ADAMTS20: variants seen among roughly 807,000 people sequenced by gnomAD.
ADAMTS20 encodes ADAM metallopeptidase with thrombospondin type 1 motif 20, also known as A disintegrin and metalloproteinase with thrombospondin motifs 20.
ADAMTS20 carries 225 observed loss-of-function variants against 260.1 expected under a neutral mutation model. The ratio of observed to expected loss-of-function variants is 0.87; its 90% confidence interval spans 0.78 to 0.97. ADAMTS20 has a LOEUF of 0.97. Ranked by LOEUF, ADAMTS20 falls within the 50% of genes least tolerant of loss-of-function variation. The pLI is 0.00. For synonymous variants in ADAMTS20, 802 were observed against 769.5 expected (o/e 1.04, Z -0.70); for missense variants, 2,400 against 2,337.7 (o/e 1.03, Z -0.55).
At chr12:43,368,257 A>T (rs1940030587) in intron 37 of ADAMTS20, among the ~76,000 whole-genome samples, 1 of 152,118 alleles carries the variant, frequency 6.6e-6, no homozygotes, top group African/African-American at 2.4e-5. Context: ...CGATTATATT[A>T]GGTTGTTTAT....
chr12:43,469,571 C>T (rs2137389017), intron 7 of ADAMTS20, among the ~76,000 whole-genome samples: 1 of 152,148 alleles, frequency 6.6e-6, no homozygotes, highest in South Asian at 2.1e-4. Context: ...TATTATTACC[C>T]TTCAATTTGG....
chr12:43,428,401 G>C lies in ADAMTS20; in HGVS notation c.3785C>G (p.Ala1262Gly), dbSNP rs778642285. Residue 1262 changes from alanine (A) to glycine (G), a missense_variant, in exon 26 of 39, where the codon GCC becomes GGC. Ala to Gly is a moderately conservative substitution (Grantham distance 60). Coordinates refer to ENST00000389420, the MANE Select transcript of ADAMTS20 (RefSeq NM_025003.5). ...PLMEQECSLA[A>G]CPPAHSHFPS... The stretch of plus-strand genomic sequence containing the variant: ...AAAGTGGCTGTGTGCAGGAGGGCAG[G>C]CTGCCAGGCTACATTCCTGTTCCAT... 3 of 1,613,732 alleles carry C rather than the reference G, an allele frequency of 1.9e-6. No homozygotes were observed. The highest frequency in any genetic ancestry group is 1.6e-4 in the Middle Eastern group (1 of 6,084).
intron 28 of ADAMTS20, among the ~76,000 whole-genome samples, chr12:43,411,180 C>CT (rs1592054920): frequency 1.3e-5 from 2 of 152,222 alleles, no homozygotes; most frequent in Admixed American, 1.3e-4. Flanking sequence ...ATGGGGCATC[C>CT]TTTGACAGAA....
chr12:43,477,695 GTACACACATA>G (rs1242542537), intron 7 of ADAMTS20, among the ~76,000 whole-genome samples: 6 of 152,004 alleles, frequency 3.9e-5, no homozygotes, highest in African/African-American at 1.4e-4. Context: ...GCAGGCATAT[GTACACACATA>G]TACACACATT....
At chr12:43,393,918 T>A (rs1940647414) in intron 29 of ADAMTS20, among the ~76,000 whole-genome samples, 1 of 152,090 alleles carries the variant, frequency 6.6e-6, no homozygotes, top group Admixed American at 6.6e-5. Context: ...CCATGGCATT[T>A]TTTAATCTGC....
chr12:43,536,672 G>A (rs1943299707), intron 2 of ADAMTS20, among the ~76,000 whole-genome samples: 2 of 152,180 alleles, frequency 1.3e-5, no homozygotes, highest in African/African-American at 4.8e-5. Flanking sequence ...GAAAGGCCTA[G>A]AGATGAAAAA....
chr12:43,363,969 A>G (rs1181943874), intron 37 of ADAMTS20, among the ~76,000 whole-genome samples: 1 of 152,214 alleles, frequency 6.6e-6, no homozygotes, highest in Non-Finnish European at 1.5e-5. Context: ...GTGGAGACTA[A>G]GAGCTAAGCA....
intron 18 of ADAMTS20, among the ~76,000 whole-genome samples, chr12:43,437,390 C>T (rs1405088821): frequency 6.6e-6 from 1 of 151,988 alleles, no homozygotes; most frequent in African/African-American, 2.4e-5. Context: ...TTTATGTTTC[C>T]AAATTGGAAT....
chr12:43,501,594 C>T lies in ADAMTS20; in HGVS notation c.867+558G>A, dbSNP rs186153207. Among the ~76,000 whole-genome samples the T allele has an allele frequency of 2.8e-3, 422 of 152,046 alleles. 2 individuals are homozygous for T. The highest frequency in any genetic ancestry group is 8.9e-3 in the African/African-American group (370 of 41,498). On this transcript the variant is annotated intron_variant, in intron 4 of 38. Transcript: ENST00000389420. ...TCTGTGGGTACTAGCACTACCACTGCTTGACAAAGATAGTAACATCAGATC... is the reference window on the plus strand; with the variant it reads ...TCTGTGGGTACTAGCACTACCACTGTTTGACAAAGATAGTAACATCAGATC...
chr12:43,362,081 A>C (rs1327309803), intron 37 of ADAMTS20, among the ~76,000 whole-genome samples: 1 of 152,188 alleles, frequency 6.6e-6, no homozygotes, highest in Non-Finnish European at 1.5e-5. Context: ...TATGACCAGA[A>C]GGCACAGCTT....
At chr12:43,365,445 T>C (rs1413323926) in intron 37 of ADAMTS20, among the ~76,000 whole-genome samples, 1 of 152,178 alleles carries the variant, frequency 6.6e-6, no homozygotes, top group African/African-American at 2.4e-5. Flanking sequence ...AAGTATATTA[T>C]TGACCTGTAA....
chr12:43,528,212 C>T (rs1943168817), intron 3 of ADAMTS20, among the ~76,000 whole-genome samples: 1 of 151,682 alleles, frequency 6.6e-6, no homozygotes, highest in South Asian at 2.1e-4. Flanking sequence ...AACAGAAATA[C>T]ATCCCATGCT....
intron 3 of ADAMTS20, among the ~76,000 whole-genome samples, 168 bp from the exon 4 acceptor site, chr12:43,502,573 T>C (rs1454080694): frequency 2.0e-5 from 3 of 152,164 alleles, no homozygotes. Flanking sequence ...TACAGCATTA[T>C]CATGAAGATT....
intron 2 of ADAMTS20, among the ~76,000 whole-genome samples, chr12:43,544,813 T>A (rs1463564737): frequency 1.3e-5 from 2 of 152,036 alleles, no homozygotes; most frequent in Admixed American, 1.3e-4. Flanking sequence ...TAAACCAGAG[T>A]CATTAAAACT....
intron 29 of ADAMTS20, among the ~76,000 whole-genome samples, chr12:43,387,289 A>G (rs1430051349): frequency 6.6e-6 from 1 of 152,088 alleles, no homozygotes; most frequent in African/African-American, 2.4e-5. Context: ...TCCATGCCAG[A>G]GCCTGCTTGC....
At position 43,492,632 on chromosome 12, in the gene ADAMTS20, A is replaced by G. The variant is rs1256982000; in HGVS notation, c.952-3T>C. 9 of 1,613,242 alleles carry G rather than the reference A, an allele frequency of 5.6e-6. No individual in the cohort carries two copies. Among genetic ancestry groups the G allele is most frequent in the African/African-American group, 1.3e-5 (1 of 74,904 alleles). Reference sequence around the variant, plus strand: ...TCAAAATTAATGACTGGTCCTTCCTATGCAAAATAAGCAATGCAATACTAT... The same window carrying G: ...TCAAAATTAATGACTGGTCCTTCCTGTGCAAAATAAGCAATGCAATACTAT... On this transcript the variant is annotated splice_polypyrimidine_tract_variant and splice_region_variant and intron_variant, in intron 5 of 38. Coordinates refer to ENST00000389420, the MANE Select transcript of ADAMTS20 (RefSeq NM_025003.5).
At chr12:43,500,888 A>G (rs1427072286) in intron 4 of ADAMTS20, among the ~76,000 whole-genome samples, 1 of 152,140 alleles carries the variant, frequency 6.6e-6, no homozygotes, top group Non-Finnish European at 1.5e-5. Flanking sequence ...TTCATGTCAC[A>G]ATGAACTGGG....
At chr12:43,548,921 A>G (rs1428535638) in intron 2 of ADAMTS20, among the ~76,000 whole-genome samples, 1 of 152,064 alleles carries the variant, frequency 6.6e-6, no homozygotes, top group African/African-American at 2.4e-5. Flanking sequence ...TATCAAAAGC[A>G]AAGTACATAA....
chr12:43,395,455 G>T (rs1940679769), intron 29 of ADAMTS20, among the ~76,000 whole-genome samples: 2 of 152,024 alleles, frequency 1.3e-5, no homozygotes, highest in African/African-American at 4.8e-5. Flanking sequence ...TAAACATCTA[G>T]CATTTAGCAT....
Sources: allele counts gnomAD v4.1 joint callset (sites outside exome capture counted in the v4.1 genomes callset), GRCh38; gene constraint gnomAD v4.1.1; transcripts MANE v1.5; gene names NCBI Gene and HGNC (gene_info 2026-07-23, HGNC 2026-07-21).